Variants in DCST1 observed in about 807,000 individuals in gnomAD.
DCST1 encodes DC-STAMP domain containing 1.
Under a neutral mutation model 89.1 loss-of-function variants are expected in DCST1, and 78 were observed. The ratio of observed to expected loss-of-function variants is 0.88; its 90% CI spans 0.73 to 1.06. The LOEUF is 1.06. Among genes scored for constraint, DCST1 ranks in the 50% least tolerant of loss-of-function variants. The pLI is 0.00. For missense variants in DCST1, 900 were observed against 928.6 expected (o/e 0.97, Z 0.40); for synonymous variants, 364 against 371.9 (o/e 0.98, Z 0.24).
intron 6 of DCST1, among the ~76,000 whole-genome samples, chr1:155,041,110 C>T (rs1558107621): frequency 6.6e-6 from 1 of 152,048 alleles, no homozygotes; most frequent in Non-Finnish European, 1.5e-5. Context: ...CCTGGGGAAC[C>T]ACTGACCAGG....
Position 155,047,835 on chromosome 1 carries a change from C to T in DCST1, c.1661C>T (p.Ala554Val). The change falls in exon 15 of 17, where the codon GCT (alanine) becomes GTT (valine). Residue 554 changes from alanine to valine, a missense_variant. Physicochemically the swap from Ala to Val is moderately conservative, Grantham distance 64. Transcript: ENST00000295542. ...CTGGATGCCAGGGCCTACTGGAGAG[C>T]TGCAGTACCGATTGGCCTGTTAGTG... ...VGLDARAYWRAAVPIGLLVCL... is the reference protein window; with the variant it reads ...VGLDARAYWRVAVPIGLLVCL... 6.2e-7 allele frequency: 1 copy of T among 1,614,224 alleles called. No homozygotes were observed. Among genetic ancestry groups the T allele is most frequent in the South Asian group, 1.1e-5 (1 of 91,088 alleles).
At chr1:155,039,046 A>G (rs1377463884) in intron 4 of DCST1, among the ~76,000 whole-genome samples, 4 of 152,182 alleles carry the variant, frequency 2.6e-5, no homozygotes, top group African/African-American at 9.7e-5. Context: ...CTGTTTCCAG[A>G]TATTTTCTCT....
At chr1:155,034,903 A>G in intron 4 of DCST1, 176 bp downstream of exon 4, 1 of 660,182 alleles carries the variant, frequency 1.5e-6, no homozygotes. Context: ...CAATTTAAGA[A>G]GGAAGACACC....
chr1:155,039,614 G>C, intron 5 of DCST1, 83 bp downstream of exon 5: 2 of 1,445,954 alleles, frequency 1.4e-6, no homozygotes, highest in Non-Finnish European at 1.8e-6. Context: ...GGGTGAAGGA[G>C]AAAAGACAGG....
At chr1:155,044,406 T>A (rs1392945620) in intron 10 of DCST1, among the ~76,000 whole-genome samples, 1 of 140,806 alleles carries the variant, frequency 7.1e-6, no homozygotes, top group Non-Finnish European at 1.5e-5. Flanking sequence ...CACTGGGAGG[T>A]CGAAGCTGCA....
intron 10 of DCST1, chr1:155,045,622 A>G (rs1660593392): frequency 2.0e-6 from 1 of 489,010 alleles, no homozygotes; most frequent in Admixed American, 3.4e-5. Context: ...CAGGCTGACC[A>G]TGCCCTCCTC....
At chr1:155,042,274 T>C (rs1362175037) in intron 8 of DCST1, among the ~76,000 whole-genome samples, 1 of 152,066 alleles carries the variant, frequency 6.6e-6, no homozygotes, top group Non-Finnish European at 1.5e-5. Flanking sequence ...AATTTTTGTA[T>C]ATTTAGTAGA....
At chr1:155,045,453 C>T (rs571007552) in intron 10 of DCST1, 6 of 224,354 alleles carry the variant, frequency 2.7e-5, no homozygotes, top group Non-Finnish European at 5.4e-5. Context: ...AGATATGCTG[C>T]AGGCAAAGCC....
Position 155,050,677 on chromosome 1 carries a change from C to T in DCST1, c.1930C>T (p.Arg644Trp), listed in dbSNP as rs375340068. 5 of 1,602,428 alleles carry T rather than the reference C, an allele frequency of 3.1e-6. No individual in the cohort carries two copies. Among genetic ancestry groups the T allele is most frequent in the Non-Finnish European group, 3.4e-6 (4 of 1,176,282 alleles). The change falls in exon 17 of 17, where the codon CGG (arginine) becomes TGG (tryptophan). Residue 644 changes from arginine to tryptophan, a missense_variant. Physicochemically the swap from Arg to Trp is moderately radical, Grantham distance 101. Transcript: ENST00000295542. Reference sequence around the variant, plus strand: ...CCCGCTCCTGCGCCGCTGGCTGTGCCGGCGCTGCGTGGTGTGCCAGGCACC... The same window carrying T: ...CCCGCTCCTGCGCCGCTGGCTGTGCTGGCGCTGCGTGGTGTGCCAGGCACC... ...GCPLLRRWLC[R>W]RCVVCQAPET...
At position 155,047,180 on chromosome 1, in the gene DCST1, GTCC is replaced by G; in HGVS notation, c.1496-11_1496-9del. 6.2e-7 allele frequency: 1 copy of G among 1,608,162 alleles called. No homozygotes were observed. Among genetic ancestry groups the G allele is most frequent in the Middle Eastern group, 1.7e-4 (1 of 6,020 alleles). On this transcript the variant is annotated splice_polypyrimidine_tract_variant and intron_variant, in intron 13 of 16. Coordinates refer to ENST00000295542, the MANE Select transcript of DCST1 (RefSeq NM_152494.4). ...TCCACCTGCCCTGACTTCCCTACCTGTCCTCCTGGCCGCAGGCAGTCATAAACT... is the reference window on the plus strand; with the variant it reads ...TCCACCTGCCCTGACTTCCCTACCTGTCCTGGCCGCAGGCAGTCATAAACT...
At position 155,045,995 on chromosome 1, in the gene DCST1, G is replaced by C; in HGVS notation, c.1272+3G>C. On this transcript the variant is annotated splice_donor_region_variant and intron_variant, in intron 11 of 16. Coordinates refer to ENST00000295542, the MANE Select transcript of DCST1 (RefSeq NM_152494.4). Reference sequence around the variant, plus strand: ...TCGATGACCGCAGGAAGAAGCTGGTGAGTGGGCACGGCACTGCCCGGGGAT... The same window carrying C: ...TCGATGACCGCAGGAAGAAGCTGGTCAGTGGGCACGGCACTGCCCGGGGAT... The C allele has an allele frequency of 6.2e-7, 1 of 1,614,172 alleles. No homozygotes were observed.
At chr1:155,044,035 G>A (rs1660523897) in intron 10 of DCST1, among the ~76,000 whole-genome samples, 1 of 152,208 alleles carries the variant, frequency 6.6e-6, no homozygotes. Context: ...CCAAACACCT[G>A]AGATGGGCAG....
At chr1:155,049,575 C>T (rs558651839) in intron 16 of DCST1, among the ~76,000 whole-genome samples, 14 of 152,154 alleles carry the variant, frequency 9.2e-5, no homozygotes, top group East Asian at 3.9e-4. Context: ...CTACCACGCC[C>T]GGCTAATTTA....
rs1052662023 is a variant in DCST1 at position 155,033,972 on chromosome 1, A to G, written c.-65A>G. On this transcript the variant is annotated splice_region_variant and 5_prime_UTR_variant, in exon 2 of 17. Transcript: ENST00000295542. ...GGCAGCACCTCTCTTCTCTCACCAGAACCTTGTGTCCAAGGAGGTCCTTCA... is the reference window on the plus strand; with the variant it reads ...GGCAGCACCTCTCTTCTCTCACCAGGACCTTGTGTCCAAGGAGGTCCTTCA... 60 of 1,589,776 alleles carry G rather than the reference A, an allele frequency of 3.8e-5. No individual in the cohort carries two copies. Among genetic ancestry groups the G allele is most frequent in the Non-Finnish European group, 5.2e-6 (6 of 1,158,692 alleles).
intron 4 of DCST1, among the ~76,000 whole-genome samples, chr1:155,037,318 C>G (rs1423982387): frequency 1.3e-5 from 2 of 152,108 alleles, no homozygotes; most frequent in African/African-American, 4.8e-5. Flanking sequence ...TCCCTGAAGC[C>G]TCTTGGACTC....
chr1:155,047,583 A>G (rs1558111257), intron 14 of DCST1, among the ~76,000 whole-genome samples: 2 of 152,224 alleles, frequency 1.3e-5, no homozygotes, highest in South Asian at 2.1e-4. Flanking sequence ...CAGGACATTC[A>G]GTCAAGATAG....
intron 10 of DCST1, among the ~76,000 whole-genome samples, chr1:155,044,182 C>T (rs1360586637): frequency 1.3e-5 from 2 of 152,170 alleles, no homozygotes; most frequent in East Asian, 1.9e-4. Context: ...CTATTCCTGC[C>T]CCCAATAAGC....
intron 14 of DCST1, 97 bp from the exon 15 acceptor site, chr1:155,047,690 A>T: frequency 9.1e-7 from 1 of 1,101,078 alleles, no homozygotes; most frequent in Non-Finnish European, 1.3e-6. Context: ...CAGGGGAATC[A>T]GAGGACTGCA....
chr1:155,041,296 G>A, intron 6 of DCST1, 101 bp from the exon 7 acceptor site: 2 of 1,254,206 alleles, frequency 1.6e-6, no homozygotes, highest in Non-Finnish European at 2.3e-6. Flanking sequence ...GGCCTGGGGT[G>A]AGAACCCAAA....
Sources: gnomAD v4.1 joint callset for allele counts (sites outside exome capture counted in the v4.1 genomes callset) on GRCh38, gnomAD v4.1.1 for gene constraint, MANE v1.5 for transcripts, NCBI Gene and HGNC (gene_info 2026-07-23, HGNC 2026-07-21) for gene names.